SEMA5A: variants seen among roughly 807,000 people sequenced by gnomAD.
SEMA5A encodes the protein semaphorin 5A, also known as semaphorin-5A.
In SEMA5A, 55 loss-of-function variants were observed where a neutral mutation model predicts 135.5. That is an observed-to-expected ratio of 0.41 (90% CI 0.33 to 0.51). SEMA5A has a LOEUF of 0.51. SEMA5A is among the 20% of genes least tolerant of loss of function. The probability of loss-of-function intolerance (pLI) is 0.37; values close to 1 mark genes in which losing one functional copy is unlikely to be tolerated. For synonymous variants in SEMA5A, 580 were observed against 546.5 expected (o/e 1.06, Z -0.85); for missense variants, 1,290 against 1,419.9 (o/e 0.91, Z 1.47).
At chr5:9,197,714 G>A (rs1442352163) in intron 9 of SEMA5A, among the ~76,000 whole-genome samples, 2 of 144,464 alleles carry the variant, frequency 1.4e-5, no homozygotes, top group East Asian at 4.1e-4. Flanking sequence ...TTGCCCAGCA[G>A]CAGGGAAAGC....
chr5:9,478,967 T>G (rs1579607711), intron 1 of SEMA5A, among the ~76,000 whole-genome samples: 1 of 152,144 alleles, frequency 6.6e-6, no homozygotes, highest in East Asian at 1.9e-4. Context: ...AGGAACCTGG[T>G]GAGAGGGATT....
chr5:9,238,562 G>A (rs1805955), intron 5 of SEMA5A, among the ~76,000 whole-genome samples: 117,655 of 151,996 alleles, frequency 0.77, 46,375 homozygotes, highest in Non-Finnish European at 0.87. Flanking sequence ...GTGCTTCCAC[G>A]TCTGATGCTA....
chr5:9,469,559 C>T (rs1239415162), intron 1 of SEMA5A, among the ~76,000 whole-genome samples: 1 of 152,194 alleles, frequency 6.6e-6, no homozygotes, highest in East Asian at 1.9e-4. Flanking sequence ...CAAAAAGATT[C>T]ACTCACTCGC....
At chr5:9,211,944 C>T (rs1030714792) in intron 8 of SEMA5A, among the ~76,000 whole-genome samples, 1 of 152,158 alleles carries the variant, frequency 6.6e-6, no homozygotes, top group African/African-American at 2.4e-5. Flanking sequence ...TGGCCAAAAT[C>T]TCAGAGACTG....
chr5:9,059,266 T>C (rs1435471873), intron 18 of SEMA5A, among the ~76,000 whole-genome samples: 1 of 152,094 alleles, frequency 6.6e-6, no homozygotes, highest in Non-Finnish European at 1.5e-5. Context: ...CAAAAAAACA[T>C]CTGTTGTCTG....
intron 1 of SEMA5A, among the ~76,000 whole-genome samples, chr5:9,469,047 C>T (rs1024985969): frequency 5.9e-5 from 9 of 152,168 alleles, no homozygotes; most frequent in Middle Eastern, 3.4e-3. Flanking sequence ...CTCTCTCTGT[C>T]GCCCAGACTG....
intron 5 of SEMA5A, among the ~76,000 whole-genome samples, chr5:9,279,122 G>T (rs1290028222): frequency 6.6e-6 from 1 of 152,230 alleles, no homozygotes; most frequent in African/African-American, 2.4e-5. Context: ...GCCAAGGGGC[G>T]TGTACCCTGC....
At chr5:9,141,963 C>T (rs1742087407) in intron 12 of SEMA5A, among the ~76,000 whole-genome samples, 2 of 152,234 alleles carry the variant, frequency 1.3e-5, no homozygotes, top group Admixed American at 1.3e-4. Context: ...TATTCTTACA[C>T]ATGGGATTTT....
chr5:9,130,493 G>T (rs1189020761), intron 13 of SEMA5A, among the ~76,000 whole-genome samples: 1 of 152,142 alleles, frequency 6.6e-6, no homozygotes, highest in African/African-American at 2.4e-5. Context: ...GAACTAAGCT[G>T]AAGCACTGTG....
intron 5 of SEMA5A, among the ~76,000 whole-genome samples, chr5:9,258,093 G>C (rs941499053): frequency 1.3e-5 from 2 of 152,126 alleles, no homozygotes; most frequent in African/African-American, 4.8e-5. Context: ...GAAACACAAG[G>C]GGGAAGAACT....
At chr5:9,227,154 TAAC>T (rs952122449) in intron 6 of SEMA5A, among the ~76,000 whole-genome samples, 187 bp from the exon 7 acceptor site, 11 of 152,026 alleles carry the variant, frequency 7.2e-5, no homozygotes, top group African/African-American at 2.7e-4. Context: ...GACCAAAAAA[TAAC>T]AACAGAGCTA....
chr5:9,092,582 A>T (rs1045994537), intron 16 of SEMA5A, among the ~76,000 whole-genome samples: 1 of 152,248 alleles, frequency 6.6e-6, no homozygotes, highest in African/African-American at 2.4e-5. Flanking sequence ...GCTAATTAGA[A>T]AGAATTTGAA....
intron 1 of SEMA5A, among the ~76,000 whole-genome samples, chr5:9,537,133 A>G (rs1397984958): frequency 6.6e-6 from 1 of 152,254 alleles, no homozygotes; most frequent in Non-Finnish European, 1.5e-5. Flanking sequence ...CACTTAGGAC[A>G]ATGCCTTCAC....
intron 5 of SEMA5A, among the ~76,000 whole-genome samples, chr5:9,240,977 T>C (rs747810237): frequency 3.9e-5 from 6 of 152,146 alleles, no homozygotes; most frequent in Non-Finnish European, 8.8e-5. Context: ...TTAATTTTTG[T>C]CATCTTTTGT....
chr5:9,538,249 T>C (rs574314176), intron 1 of SEMA5A, among the ~76,000 whole-genome samples: 1 of 54,784 alleles, frequency 1.8e-5, no homozygotes, highest in East Asian at 3.9e-4. Flanking sequence ...GAAGCAATTC[T>C]TTGATTCTTC....
At chr5:9,197,712 C>T (rs1745472057) in intron 9 of SEMA5A, among the ~76,000 whole-genome samples, 1 of 117,436 alleles carries the variant, frequency 8.5e-6, no homozygotes, top group Non-Finnish European at 2.0e-5. Flanking sequence ...CTTTGCCCAG[C>T]AGCAGGGAAA....
rs546347049 is a variant in SEMA5A, at chr5:9,181,793, G to T, written c.1273+8474C>A. 5.9e-5 allele frequency among the ~76,000 whole-genome samples: 9 copies of T among 152,224 alleles called. No individual in the cohort carries two copies. The East Asian group carries it at 1.7e-3, about 29-fold the overall frequency. On this transcript the variant is annotated intron_variant, in intron 11 of 22. Transcript: ENST00000382496. ...CCCCATGACAGGTGCAAAACTGTCTGCTGACACCCACAGGTAAAGTACCCT... is the reference window on the plus strand; with the variant it reads ...CCCCATGACAGGTGCAAAACTGTCTTCTGACACCCACAGGTAAAGTACCCT...
At chr5:9,535,773 G>A (rs1406001113) in intron 1 of SEMA5A, among the ~76,000 whole-genome samples, 1 of 152,130 alleles carries the variant, frequency 6.6e-6, no homozygotes, top group African/African-American at 2.4e-5. Flanking sequence ...TTTCCCACCA[G>A]GAACCAGGAA....
intron 17 of SEMA5A, among the ~76,000 whole-genome samples, chr5:9,065,486 C>A (rs1737414649): frequency 6.6e-6 from 1 of 152,208 alleles, no homozygotes; most frequent in Admixed American, 6.5e-5. Context: ...GGGTAAAAGA[C>A]CCCTTCTCTG....
Sources: gnomAD v4.1 joint callset for allele counts (sites outside exome capture counted in the v4.1 genomes callset) on GRCh38, gnomAD v4.1.1 for gene constraint, MANE v1.5 for transcripts, NCBI Gene and HGNC (gene_info 2026-07-23, HGNC 2026-07-21) for gene names.